The following PRPF6 variants were observed in gnomAD, a reference collection of about 807,000 sequenced individuals.
The protein encoded by PRPF6 is pre-mRNA-processing factor 6.
In PRPF6, 42 loss-of-function variants were observed where a neutral mutation model predicts 118.3. That is an observed-to-expected ratio of 0.35 (90% CI 0.28 to 0.46). PRPF6 has a LOEUF of 0.46. Among genes scored for constraint, PRPF6 ranks in the 20% least tolerant of loss-of-function variants. PRPF6 has a pLI of 1.00. For synonymous variants in PRPF6, 481 were observed against 485.1 expected, an observed-to-expected ratio of 0.99 and a Z score of 0.11; for missense variants, 662 against 1,255.7, an observed-to-expected ratio of 0.53 and a Z score of 7.15.
intron 12 of PRPF6, among the ~76,000 whole-genome samples, chr20:64,017,631 G>T (rs910952809): frequency 5.9e-5 from 9 of 152,048 alleles, no homozygotes. Context: ...GAGCCGCCGC[G>T]CCCGGCCTCC....
In PRPF6 at chr20:64,021,830, T is replaced by C. The variant is rs551763290; in HGVS notation, c.1648-927T>C. Among the ~76,000 whole-genome samples the C allele has an allele frequency of 9.1e-5, 13 of 142,700 alleles. 1 individual carries two copies. In the South Asian group the frequency reaches 1.4e-3, roughly 15 times the overall value. The allele number at this position is 142,700 out of a possible 152,430, so 93.6% of individuals were successfully genotyped here. On this transcript the variant is annotated intron_variant, in intron 12 of 20. Transcript: ENST00000266079. Reference sequence around the variant, plus strand: ...TATGCATATGCCTCGGCCACAGCCCTGTGTGTGTGCGTGTGTATGCGTGCA... The same window carrying C: ...TATGCATATGCCTCGGCCACAGCCCCGTGTGTGTGCGTGTGTATGCGTGCA...
rs764453337 is a variant in PRPF6 at position 63,988,675 on chromosome 20, C to T, written c.359+3650C>T. Among the ~76,000 whole-genome samples, 4 of 151,738 alleles carry T rather than the reference C, an allele frequency of 2.6e-5. No individual in the cohort carries two copies. In the East Asian group the frequency reaches 5.8e-4, roughly 22 times the overall value. ...GGTGGATCACTTGAGGTCAGCAGTTCGAGACCAGCCTGGCTAAACCCCATC... is the reference window on the plus strand; with the variant it reads ...GGTGGATCACTTGAGGTCAGCAGTTTGAGACCAGCCTGGCTAAACCCCATC... On this transcript the variant is annotated intron_variant, in intron 3 of 20. Coordinates refer to ENST00000266079, the MANE Select transcript of PRPF6 (RefSeq NM_012469.4).
chr20:64,032,678 C>T (rs575314929), intron 20 of PRPF6, among the ~76,000 whole-genome samples, 163 bp from the exon 21 acceptor site: 2 of 152,364 alleles, frequency 1.3e-5, no homozygotes, highest in South Asian at 2.1e-4. Flanking sequence ...GAGGAACACA[C>T]CTGAAAGAGC....
chr20:64,027,829 C>CAGTG lies in PRPF6; in HGVS notation c.2339+94_2339+97dup. 1 of 1,551,764 alleles carries CAGTG rather than the reference C, an allele frequency of 6.4e-7. No homozygotes were observed. Among genetic ancestry groups the CAGTG allele is most frequent in the South Asian group, 1.1e-5 (1 of 89,294 alleles). ...AGCTGCTTGTGTGGAGTCACTCGTG[C>CAGTG]AGTGCTTCCAGGCTCAGGGGCTTGG... On this transcript the variant is annotated intron_variant, in intron 17 of 20. Coordinates refer to ENST00000266079, the MANE Select transcript of PRPF6 (RefSeq NM_012469.4). This position sits in a 1 kb window ranked among gnomAD's most constrained non-coding sequence, Gnocchi z 6.5.
chr20:64,022,581 T>G (rs769854307), intron 12 of PRPF6, among the ~76,000 whole-genome samples, 176 bp from the exon 13 acceptor site: 5 of 152,230 alleles, frequency 3.3e-5, no homozygotes, highest in Non-Finnish European at 7.3e-5. Context: ...GTGCTGAGAT[T>G]ACAGGCGTGA....
chr20:64,014,620 CTG>C (rs2059229271), intron 11 of PRPF6, among the ~76,000 whole-genome samples: 1 of 152,116 alleles, frequency 6.6e-6, no homozygotes, highest in African/African-American at 2.4e-5. Flanking sequence ...GATCGTGACA[CTG>C]TACTCCAGCC....
rs934266445 is a variant in PRPF6 at position 64,029,277 on chromosome 20, C to A, written c.2432-100C>A. 9.8e-7 allele frequency: 1 copy of A among 1,017,666 alleles called. No homozygotes were observed. Among genetic ancestry groups the A allele is most frequent in the Admixed American group, 1.7e-5 (1 of 58,342 alleles). The allele number at this position is 1,017,666 out of a possible 1,614,324, so 63.0% of individuals were successfully genotyped here. A position where few individuals can be genotyped will look rare whatever the true frequency, so the allele number is the denominator to read the frequency against. ...CGAGCCGTGTGTGGGAGGCCCCTGT[C>A]GTGGTCTGAGGACGTCCCGGGTTAG... On this transcript the variant is annotated intron_variant, in intron 18 of 20. Transcript: ENST00000266079. This position sits in a 1 kb window ranked among gnomAD's most constrained non-coding sequence, Gnocchi z 4.8.
rs1312378283 is a variant in PRPF6, at chr20:64,011,526, G to T, written c.1524+23G>T. The T allele has an allele frequency of 6.2e-7, 1 of 1,601,346 alleles. No homozygotes were observed. The highest frequency in any genetic ancestry group is 1.7e-5 in the Admixed American group (1 of 58,040). On this transcript the variant is annotated intron_variant, in intron 11 of 20. Coordinates refer to ENST00000266079, the MANE Select transcript of PRPF6 (RefSeq NM_012469.4). The surrounding 1 kb of genome is among the most constrained non-coding windows in gnomAD (Gnocchi z 6.7). ...CAGGTGGGCCGCAGGCGGGTGTCGT[G>T]GTGTCTGCTTTAACAGTGCACATGC...
rs918326837 is a variant in PRPF6, at chr20:64,028,504, G to A, written c.2366G>A (p.Arg789His). 3 of 1,613,892 alleles carry A rather than the reference G, an allele frequency of 1.9e-6. No homozygotes were observed. The highest frequency in any genetic ancestry group is 2.5e-6 in the Non-Finnish European group (3 of 1,180,024). ...LWLESVRLEY[R>H]AGLKNIANTL... is the part of the protein sequence containing the mutation. ...TTGGAGTCCGTGCGGCTGGAGTACC[G>A]TGCGGGGCTGAAGAACATCGCAAAT... Residue 789 changes from arginine to histidine, a missense_variant, in exon 18 of 21, where the codon CGT becomes CAT. By Grantham distance (29) the Arg-to-His change is conservative. Transcript: ENST00000266079. This position sits in a 1 kb window ranked among gnomAD's most constrained non-coding sequence, Gnocchi z 6.5.
intron 4 of PRPF6, 35 bp downstream of exon 4, chr20:63,993,520 C>G: frequency 6.5e-7 from 1 of 1,542,396 alleles, no homozygotes; most frequent in Non-Finnish European, 9.0e-7. Flanking sequence ...TGTGCGGTTT[C>G]TAACGCTCTC....
Position 63,983,212 on chromosome 20 carries a change from T to C in PRPF6, c.237T>C (p.Asp79=). The C allele has an allele frequency of 6.2e-7, 1 of 1,614,116 alleles. No individual in the cohort carries two copies. Among genetic ancestry groups the C allele is most frequent in the Non-Finnish European group, 8.5e-7 (1 of 1,180,014 alleles). ...AGGATCTAAATGACACCAATTACGA[T>C]GAGGTGAGATGTGTCCGGCTTTCGT... The part of the protein sequence containing the change: ...DDEDLNDTNY[D]EFNGYAGSLF... The change falls in exon 2 of 21, where the codon GAT becomes GAC. Residue 79 remains aspartate, a synonymous_variant. Coordinates refer to ENST00000266079, the MANE Select transcript of PRPF6 (RefSeq NM_012469.4).
At chr20:63,996,663 A>G (rs115484638) in intron 6 of PRPF6, among the ~76,000 whole-genome samples, 135 of 152,286 alleles carry the variant, frequency 8.9e-4, no homozygotes, top group African/African-American at 3.1e-3. Flanking sequence ...CCAGGCACTC[A>G]TGCCTGTAAT....
At chr20:63,998,658 G>A (rs1241170558) in intron 6 of PRPF6, among the ~76,000 whole-genome samples, 5 of 151,242 alleles carry the variant, frequency 3.3e-5, no homozygotes, top group South Asian at 2.1e-4. Context: ...TGGCTAACAC[G>A]GTGAAACCCC....
chr20:64,016,814 G>A lies in PRPF6; in HGVS notation c.1616G>A (p.Arg539Gln), dbSNP rs149811894. 86 of 1,614,210 alleles carry A rather than the reference G, an allele frequency of 5.3e-5. No homozygotes were observed. Among genetic ancestry groups the A allele is most frequent in the Middle Eastern group, 1.6e-4 (1 of 6,062 alleles). ...VIGIGIEEED[R>Q]KHTWMEDADS... Reference sequence around the variant, plus strand: ...GGGATTGGGATTGAGGAGGAAGATCGGAAGCATACCTGGATGGAGGATGCT... The same window carrying A: ...GGGATTGGGATTGAGGAGGAAGATCAGAAGCATACCTGGATGGAGGATGCT... The change falls in exon 12 of 21, where the codon CGG (arginine) becomes CAG (glutamine). Residue 539 changes from arginine (R) to glutamine (Q), a missense_variant. Physicochemically the swap from Arg to Gln is conservative, Grantham distance 43. Around this residue, in one of 10 missense-constraint regions of PRPF6, gnomAD observed 189 missense variants for 323.5 expected, o/e 0.58. Transcript: ENST00000266079.
Position 64,024,792 on chromosome 20 carries a change from G to A in PRPF6, c.1908+99G>A, listed in dbSNP as rs536294924. The A allele has an allele frequency of 8.3e-5, 124 of 1,501,608 alleles. 1 individual carries two copies. In the South Asian group the frequency reaches 1.2e-3, roughly 15 times the overall value. 93.0% of individuals were successfully genotyped at this position (1,501,608 alleles called of 1,614,324 possible). ...AAATCTCCCACATACAATGTGGCAC[G>A]TGCTGTTGTTGGGGTGCACTGGAGT... is the stretch of plus-strand genomic sequence containing the variant. On this transcript the variant is annotated intron_variant, in intron 14 of 20. Coordinates refer to ENST00000266079, the MANE Select transcript of PRPF6 (RefSeq NM_012469.4).
chr20:64,032,509 C>A (rs2059319607), intron 20 of PRPF6, among the ~76,000 whole-genome samples: 1 of 152,238 alleles, frequency 6.6e-6, no homozygotes, highest in African/African-American at 2.4e-5. Context: ...CTGGTCCTCC[C>A]TGGAAAGTGT....
intron 3 of PRPF6, among the ~76,000 whole-genome samples, chr20:63,985,825 A>G (rs557727367): frequency 1.7e-4 from 26 of 152,336 alleles, no homozygotes; most frequent in African/African-American, 6.0e-4. Context: ...TTTACCAAAT[A>G]TTTGAAGAAG....
chr20:64,004,966 G>A (rs2059183168), intron 9 of PRPF6, among the ~76,000 whole-genome samples: 1 of 152,240 alleles, frequency 6.6e-6, no homozygotes, highest in Admixed American at 6.5e-5. Context: ...CACAGTTCAG[G>A]TTGAGGGTCT....
rs1213516581 is a variant in PRPF6, at chr20:63,981,335, C to G, written c.71+19C>G. On this transcript the variant is annotated intron_variant, in intron 1 of 20. Transcript: ENST00000266079. ...GCCGGGGGTGAGGCCTGGGGCGGCGCGCGAGGGGCGGGGACCCGGCTACAG... is the reference window on the plus strand; with the variant it reads ...GCCGGGGGTGAGGCCTGGGGCGGCGGGCGAGGGGCGGGGACCCGGCTACAG... 1.9e-6 allele frequency: 3 copies of G among 1,565,816 alleles called. No individual in the cohort carries two copies. In the African/African-American group the frequency reaches 4.1e-5, roughly 21 times the overall value.
Sources: gnomAD v4.1 joint callset for allele counts (sites outside exome capture counted in the v4.1 genomes callset) on GRCh38, gnomAD v4.1.1 for gene constraint, gnomAD v4.1.1 regional missense constraint, Gnocchi (gnomAD v3.1) non-coding constraint, MANE v1.5 for transcripts, NCBI Gene and HGNC (gene_info 2026-07-23, HGNC 2026-07-21) for gene names.